ZFAND2A: variants seen among roughly 807,000 people sequenced by gnomAD.
The protein encoded by ZFAND2A is zinc finger AN1-type containing 2A.
A neutral mutation model predicts 11.6 loss-of-function variants in ZFAND2A; 20 were observed. The observed-to-expected ratio is 1.72, with a 90% CI of 1.21 to 2.50. ZFAND2A has a LOEUF of 2.50. Ranked by LOEUF, ZFAND2A falls within the 30% of genes most tolerant of loss-of-function variation. The pLI, the probability that ZFAND2A is intolerant of heterozygous loss-of-function variation, is 0.00. For synonymous variants in ZFAND2A, 93 were observed against 60.6 expected (o/e 1.54, Z -2.48); for missense variants, 234 against 182.9 (o/e 1.28, Z -1.61).
chr7:1,152,618 G>A (rs899158328), downstream of ZFAND2A, among the ~76,000 whole-genome samples: 1 of 152,142 alleles, frequency 6.6e-6, no homozygotes, highest in Non-Finnish European at 1.5e-5. Flanking sequence ...CAGAGGTCAC[G>A]ACTGTGGGAT....
At chr7:1,157,498 A>G (rs535105370) in intron 3 of ZFAND2A, 158 bp downstream of exon 3, 2 of 658,712 alleles carry the variant, frequency 3.0e-6, no homozygotes, top group East Asian at 5.9e-5. Context: ...ACTGCCTAAC[A>G]GCAGGCACCT....
At chr7:1,152,160 CTG>C, downstream of ZFAND2A, 2 of 1,444,212 alleles carry the variant, frequency 1.4e-6, no homozygotes, top group Non-Finnish European at 1.8e-6. Flanking sequence ...TCGCGTCACA[CTG>C]TGCAGTTACA....
intron 2 of ZFAND2A, 21 bp from the exon 3 acceptor site, chr7:1,157,771 A>G: frequency 6.6e-7 from 1 of 1,520,172 alleles, no homozygotes; most frequent in Non-Finnish European, 8.9e-7. Flanking sequence ...AAAAACAGGG[A>G]AGTGTTTTAA....
At position 1,153,559 on chromosome 7, in the gene ZFAND2A, TCC is replaced by T. The variant is rs1423962019; in HGVS notation, c.283-337_283-336del. Reference sequence around the variant, plus strand: ...GCTGGCCTTAAATTCTTTAACAGCCTCCGGTAAGAACATTCCCATTTAAACTG... The same window carrying T: ...GCTGGCCTTAAATTCTTTAACAGCCTGGTAAGAACATTCCCATTTAAACTG... On this transcript the variant is annotated intron_variant, in intron 4 of 4. Coordinates refer to ENST00000316495, the MANE Select transcript of ZFAND2A (RefSeq NM_182491.4). Among the ~76,000 whole-genome samples, 19 of 152,292 alleles carry T rather than the reference TCC, an allele frequency of 1.2e-4. No homozygotes were observed. The East Asian group carries it at 3.7e-3, about 29-fold the overall frequency.
chr7:1,150,637 T>TAC (rs897302114), downstream of ZFAND2A, among the ~76,000 whole-genome samples: 2 of 152,194 alleles, frequency 1.3e-5, no homozygotes, highest in Non-Finnish European at 2.9e-5. Context: ...TGCACCTCAC[T>TAC]ACCCCCCTTC....
At chr7:1,155,357 A>C (rs772786320) in intron 4 of ZFAND2A, 96 bp downstream of exon 4, 221 of 1,523,960 alleles carry the variant, frequency 1.5e-4, no homozygotes, top group Non-Finnish European at 1.7e-4. Context: ...CTTTGTACAT[A>C]AACTATTGGG....
intron 3 of ZFAND2A, chr7:1,157,288 T>C (rs953589412): frequency 2.5e-5 from 4 of 161,156 alleles, no homozygotes; most frequent in Admixed American, 6.4e-5. Flanking sequence ...ATTAAAATCT[T>C]TCTTGCATCT....
At chr7:1,155,317 A>AT in intron 4 of ZFAND2A, 136 bp downstream of exon 4, 2 of 1,258,478 alleles carry the variant, frequency 1.6e-6, no homozygotes, top group Non-Finnish European at 2.1e-6. Flanking sequence ...TAGGACAGGG[A>AT]TAACGCAGCG....
At chr7:1,153,817 G>A (rs768644543) in intron 4 of ZFAND2A, among the ~76,000 whole-genome samples, 1 of 152,122 alleles carries the variant, frequency 6.6e-6, no homozygotes, top group Non-Finnish European at 1.5e-5. Flanking sequence ...TGGTGGCGTG[G>A]TGCCTGTAAT....
At chr7:1,153,713 G>T (rs1275988493) in intron 4 of ZFAND2A, among the ~76,000 whole-genome samples, 1 of 152,212 alleles carries the variant, frequency 6.6e-6, no homozygotes, top group Non-Finnish European at 1.5e-5. Flanking sequence ...GGGAAGCCAA[G>T]ATGGGTGGAT....
downstream of ZFAND2A, chr7:1,152,248 G>A (rs1793412355): frequency 1.9e-6 from 3 of 1,571,578 alleles, no homozygotes; most frequent in African/African-American, 4.1e-5. Flanking sequence ...ACATGAGCCG[G>A]GTGAACCAGT....
Position 1,153,000 on chromosome 7 carries a change from C to A in ZFAND2A, c.*69G>T. 1 of 1,596,416 alleles carries A rather than the reference C, an allele frequency of 6.3e-7. No homozygotes were observed. The highest frequency in any genetic ancestry group is 1.1e-5 in the South Asian group (1 of 89,126). On this transcript the variant is annotated 3_prime_UTR_variant, in exon 5 of 5. Transcript: ENST00000316495. Reference sequence around the variant, plus strand: ...GATGGTGCTCAATGGGGCTCCACTTCCCACTAGAGTGTAAGCTGCTTCCAC... The same window carrying A: ...GATGGTGCTCAATGGGGCTCCACTTACCACTAGAGTGTAAGCTGCTTCCAC...
downstream of ZFAND2A, among the ~76,000 whole-genome samples, chr7:1,152,546 A>T (rs1378446794): frequency 6.6e-6 from 1 of 152,178 alleles, no homozygotes; most frequent in Non-Finnish European, 1.5e-5. Flanking sequence ...TCCCCACAAG[A>T]CATGCTGGAG....
Position 1,158,195 on chromosome 7 carries a change from CA to C in ZFAND2A, c.17del (p.Leu6TrpfsTer13). 6.2e-7 allele frequency: 1 copy of C among 1,614,098 alleles called. No individual in the cohort carries two copies. Among genetic ancestry groups the C allele is most frequent in the Non-Finnish European group, 8.5e-7 (1 of 1,180,002 alleles). MEFPD[L>X]GKHCSEKTCK... ...AAGTCTTTTCTGAACAATGCTTCCC[CA>C]AATCAGGAAACTCCATTATGAGAAC... On this transcript the variant is annotated frameshift_variant, in exon 2 of 5. Coordinates refer to ENST00000316495, the MANE Select transcript of ZFAND2A (RefSeq NM_182491.4). LOFTEE classifies it high-confidence loss of function.
intron 1 of ZFAND2A, among the ~76,000 whole-genome samples, chr7:1,159,398 C>T (rs1383729038): frequency 6.6e-6 from 1 of 152,152 alleles, no homozygotes; most frequent in Non-Finnish European, 1.5e-5. Context: ...TTAACGACCC[C>T]GTGCGACCCG....
At chr7:1,152,287 A>G, downstream of ZFAND2A, 1 of 1,585,166 alleles carries the variant, frequency 6.3e-7, no homozygotes, top group East Asian at 2.3e-5. Context: ...GCCCGCCAGG[A>G]GCCAGGGTGA....
chr7:1,157,627 G>T (rs1793560387), intron 3 of ZFAND2A, 29 bp downstream of exon 3: 3 of 1,567,516 alleles, frequency 1.9e-6, no homozygotes, highest in Non-Finnish European at 2.6e-6. Flanking sequence ...CGGTGAAGAT[G>T]AGAATCTTTT....
In ZFAND2A at chr7:1,153,230, A is replaced by T; in HGVS notation, c.283-6T>A. 6.2e-7 allele frequency: 1 copy of T among 1,609,838 alleles called. No individual in the cohort carries two copies. The highest frequency in any genetic ancestry group is 8.5e-7 in the Non-Finnish European group (1 of 1,176,332). ...GAGCAACGGTATGTAAAAATCTAAGAGAGCAAAGTGACTTCAACAAGCAAT... is the reference window on the plus strand; with the variant it reads ...GAGCAACGGTATGTAAAAATCTAAGTGAGCAAAGTGACTTCAACAAGCAAT... On this transcript the variant is annotated splice_region_variant and splice_polypyrimidine_tract_variant and intron_variant, in intron 4 of 4. Coordinates refer to ENST00000316495, the MANE Select transcript of ZFAND2A (RefSeq NM_182491.4).
At chr7:1,159,093 C>T (rs967883767) in intron 1 of ZFAND2A, among the ~76,000 whole-genome samples, 3 of 152,118 alleles carry the variant, frequency 2.0e-5, no homozygotes, top group Non-Finnish European at 4.4e-5. Flanking sequence ...CTCCCCAGTT[C>T]CCTCTATGTT....
Sources: allele counts gnomAD v4.1 joint callset (sites outside exome capture counted in the v4.1 genomes callset), GRCh38; gene constraint gnomAD v4.1.1; transcripts MANE v1.5; gene names NCBI Gene and HGNC (gene_info 2026-07-23, HGNC 2026-07-21).